Variants in NUBPL observed in about 807,000 individuals in gnomAD.
NUBPL encodes the protein NUBP iron-sulfur cluster assembly factor, mitochondrial.
In NUBPL, 31 loss-of-function variants were observed where a neutral mutation model predicts 45.7. The ratio of observed to expected loss-of-function variants is 0.68; its 90% CI spans 0.51 to 0.92. The LOEUF is 0.92. NUBPL is among the 40% of genes least tolerant of loss of function. NUBPL has a pLI of 0.00. For missense variants in NUBPL, 401 were observed against 398.7 expected, an observed-to-expected ratio of 1.01 and a Z score of -0.05; for synonymous variants, 144 against 140.9, an observed-to-expected ratio of 1.02 and a Z score of -0.15.
intron 6 of NUBPL, among the ~76,000 whole-genome samples, chr14:31,711,219 G>C (rs1396945230): frequency 3.3e-5 from 5 of 152,034 alleles, no homozygotes; most frequent in Non-Finnish European, 4.4e-5. Flanking sequence ...CCCTTGGCTC[G>C]GCCCAGAAGT....
chr14:31,666,332 T>TCA (rs1292748921), intron 4 of NUBPL, among the ~76,000 whole-genome samples: 2 of 150,584 alleles, frequency 1.3e-5, no homozygotes, highest in Admixed American at 6.7e-5. Context: ...TGGTGCAATC[T>TCA]CAGCTCACTG....
At chr14:31,652,743 A>G (rs1166064867) in intron 4 of NUBPL, among the ~76,000 whole-genome samples, 3 of 152,170 alleles carry the variant, frequency 2.0e-5, no homozygotes. Context: ...TTTCCTTTGT[A>G]CCAAAGACCC....
intron 6 of NUBPL, among the ~76,000 whole-genome samples, chr14:31,737,166 G>A (rs980889839): frequency 6.6e-6 from 1 of 151,924 alleles, no homozygotes; most frequent in African/African-American, 2.4e-5. Context: ...ATTTAGCTCA[G>A]GTTATCAAAT....
chr14:31,606,717 G>A (rs1291280121), intron 4 of NUBPL, among the ~76,000 whole-genome samples: 1 of 152,152 alleles, frequency 6.6e-6, no homozygotes, highest in Non-Finnish European at 1.5e-5. Context: ...CCTCTTTGGG[G>A]TATCATAGAT....
chr14:31,817,986 GA>G (rs917169414), intron 7 of NUBPL, among the ~76,000 whole-genome samples: 1 of 150,536 alleles, frequency 6.6e-6, no homozygotes, highest in South Asian at 2.1e-4. Flanking sequence ...CAAATAAAAA[GA>G]AAAAAAAGGA....
chr14:31,631,536 A>G (rs1362392055), intron 4 of NUBPL, among the ~76,000 whole-genome samples: 1 of 150,988 alleles, frequency 6.6e-6, no homozygotes, highest in East Asian at 2.0e-4. Context: ...ATTGGCTCAC[A>G]TAATTATGGA....
At chr14:31,641,664 A>G (rs1312531344) in intron 4 of NUBPL, among the ~76,000 whole-genome samples, 1 of 152,186 alleles carries the variant, frequency 6.6e-6, no homozygotes, top group Non-Finnish European at 1.5e-5. Context: ...TCTGTTTGAT[A>G]TATTGATTTT....
intron 4 of NUBPL, among the ~76,000 whole-genome samples, chr14:31,646,289 C>A (rs1050800329): frequency 2.6e-5 from 4 of 151,952 alleles, no homozygotes; most frequent in African/African-American, 7.3e-5. Flanking sequence ...CAGATTCAGG[C>A]GATTCTTGTA....
chr14:31,744,866 C>T (rs2038362211), intron 6 of NUBPL, among the ~76,000 whole-genome samples: 1 of 151,760 alleles, frequency 6.6e-6, no homozygotes, highest in Admixed American at 6.6e-5. Context: ...GTGTTCCATC[C>T]ACCTCAGCCT....
chr14:31,590,426 A>G (rs998617573), intron 3 of NUBPL, among the ~76,000 whole-genome samples: 1 of 152,136 alleles, frequency 6.6e-6, no homozygotes. Flanking sequence ...ATTGAGGGGA[A>G]GAGAGCAGAG....
chr14:31,607,146 C>T (rs189770089), intron 4 of NUBPL, among the ~76,000 whole-genome samples: 7 of 152,072 alleles, frequency 4.6e-5, no homozygotes, highest in East Asian at 1.9e-4. Context: ...TTCGTGAGGC[C>T]GAGGCGGGCA....
intron 4 of NUBPL, among the ~76,000 whole-genome samples, chr14:31,643,955 G>A (rs1012293297): frequency 2.5e-4 from 38 of 152,012 alleles, no homozygotes; most frequent in African/African-American, 5.1e-4. Context: ...AATTTTAAAT[G>A]ATTCTTTGTA....
intron 6 of NUBPL, among the ~76,000 whole-genome samples, chr14:31,714,159 TG>T (rs1463744342): frequency 3.9e-5 from 6 of 152,310 alleles, no homozygotes; most frequent in Admixed American, 1.3e-4. Flanking sequence ...ATAGCCTCTA[TG>T]TAAGATGTTT....
chr14:31,677,885 A>G (rs2036738287), intron 6 of NUBPL, among the ~76,000 whole-genome samples: 1 of 152,190 alleles, frequency 6.6e-6, no homozygotes, highest in African/African-American at 2.4e-5. Flanking sequence ...TCCTTTCCTC[A>G]GGGCAGTGAG....
chr14:31,577,940 G>A, intron 3 of NUBPL: 6 of 1,288,190 alleles, frequency 4.7e-6, no homozygotes, highest in Non-Finnish European at 6.1e-6. Context: ...TGCCATTAGA[G>A]TGACCATGAC....
chr14:31,565,580 T>C (rs780355609), intron 3 of NUBPL, among the ~76,000 whole-genome samples: 49 of 152,152 alleles, frequency 3.2e-4, no homozygotes, highest in Non-Finnish European at 3.4e-4. Context: ...CATACATCTT[T>C]CCATGATGTG....
intron 6 of NUBPL, among the ~76,000 whole-genome samples, chr14:31,730,371 T>C (rs1438358265): frequency 6.6e-6 from 1 of 152,170 alleles, no homozygotes; most frequent in African/African-American, 2.4e-5. Context: ...CACAAAAGGC[T>C]GAGCTTTCAG....
intron 4 of NUBPL, among the ~76,000 whole-genome samples, chr14:31,606,104 T>C (rs1007520848): frequency 2.2e-4 from 29 of 134,112 alleles, no homozygotes; most frequent in East Asian, 5.9e-4. Flanking sequence ...CTTTTCTTTT[T>C]TTTTTTTTTT....
chr14:31,794,879 T>C (rs1178501976), intron 7 of NUBPL, among the ~76,000 whole-genome samples: 1 of 65,714 alleles, frequency 1.5e-5, no homozygotes. Context: ...AACGTTTAAA[T>C]CTTTAATCCA....
Sources: gnomAD v4.1 joint callset for allele counts (sites outside exome capture counted in the v4.1 genomes callset) on GRCh38, gnomAD v4.1.1 for gene constraint, MANE v1.5 for transcripts, NCBI Gene and HGNC (gene_info 2026-07-23, HGNC 2026-07-21) for gene names.